CAPSL: variants seen among roughly 807,000 people sequenced by gnomAD.
The protein encoded by CAPSL is calcyphosine like.
CAPSL carries 17 observed loss-of-function variants against 21.3 expected under a neutral mutation model. That is an observed-to-expected ratio of 0.80 (90% confidence interval 0.55 to 1.20). The LOEUF (loss-of-function observed/expected upper bound fraction) is 1.20, where lower values mean the gene tolerates loss of function less well. Ranked by LOEUF, CAPSL falls within the 50% of genes most tolerant of loss-of-function variation. The pLI is 0.00. For synonymous variants in CAPSL, 102 were observed against 89.3 expected, an observed-to-expected ratio of 1.14 and a Z score of -0.80; for missense variants, 289 against 259.3, an observed-to-expected ratio of 1.11 and a Z score of -0.79.
chr5:35,921,236 C>T, intron 1 of CAPSL, 116 bp from the exon 2 acceptor site: 1 of 1,315,200 alleles, frequency 7.6e-7, no homozygotes. Flanking sequence ...GTCAGGAAAC[C>T]TCTCAGAATT....
chr5:35,911,545 G>A (rs1458011756), intron 2 of CAPSL, among the ~76,000 whole-genome samples: 1 of 152,098 alleles, frequency 6.6e-6, no homozygotes, highest in African/African-American at 2.4e-5. Flanking sequence ...CAAAAACCAG[G>A]AAAGTCTGAG....
intron 2 of CAPSL, among the ~76,000 whole-genome samples, chr5:35,915,318 C>A (rs1287321182): frequency 1.3e-5 from 2 of 152,156 alleles, no homozygotes; most frequent in Non-Finnish European, 2.9e-5. Flanking sequence ...TGAAACTATT[C>A]CAGTCAATAG....
In CAPSL at chr5:35,909,923, T is replaced by C. The variant is rs1738167511; in HGVS notation, c.468A>G (p.Glu156=). The change falls in exon 4 of 5, where the codon GAA becomes GAG. Residue 156 remains glutamate, a synonymous_variant. Transcript: ENST00000651391. The part of the protein sequence containing the change: ...PKYQNGEWSE[E]QVFRKFLDNF... ...TATCCAGAAATTTCCTAAATACTTG[T>C]TCCTCACTCCATTCCCCATTCTGGT... The C allele has an allele frequency of 6.2e-7, 1 of 1,613,900 alleles. No homozygotes were observed. Among genetic ancestry groups the C allele is most frequent in the African/African-American group, 1.3e-5 (1 of 75,062 alleles).
In CAPSL at chr5:35,904,693, C is replaced by T. The variant is rs771025493; in HGVS notation, c.526-47G>A. 3.1e-6 allele frequency: 5 copies of T among 1,608,896 alleles called. No individual in the cohort carries two copies. The African/African-American group carries it at 6.7e-5, about 22-fold the overall frequency. ...CAAAAACGAAACTTTGCTTCTCACTCTGTCAATGGGCGCCCACCTTGTGCA... is the reference window on the plus strand; with the variant it reads ...CAAAAACGAAACTTTGCTTCTCACTTTGTCAATGGGCGCCCACCTTGTGCA... On this transcript the variant is annotated intron_variant, in intron 4 of 4. Coordinates refer to ENST00000651391, the MANE Select transcript of CAPSL (RefSeq NM_001042625.2).
chr5:35,924,559 G>A (rs1738623617), intron 1 of CAPSL, among the ~76,000 whole-genome samples: 1 of 152,002 alleles, frequency 6.6e-6, no homozygotes, highest in Non-Finnish European at 1.5e-5. Flanking sequence ...TAAATTCAAG[G>A]GGAAAAAAGT....
Position 35,910,113 on chromosome 5 carries a change from A to C in CAPSL, c.316-38T>G, listed in dbSNP as rs1237947976. 4 of 1,515,822 alleles carry C rather than the reference A, an allele frequency of 2.6e-6. No homozygotes were observed. In the Admixed American group the frequency reaches 8.6e-5, roughly 33 times the overall value. The allele number at this position is 1,515,822 out of a possible 1,614,324, so 93.9% of individuals were successfully genotyped here. A position where few individuals can be genotyped will look rare whatever the true frequency, so the allele number is the denominator to read the frequency against. On this transcript the variant is annotated intron_variant, in intron 3 of 4. Coordinates refer to ENST00000651391, the MANE Select transcript of CAPSL (RefSeq NM_001042625.2). ...AAGAATACATACAGAGACATACATA[A>C]GCAAATGAGCTTTTTTGGTATCCTA...
intron 1 of CAPSL, among the ~76,000 whole-genome samples, chr5:35,927,375 T>C (rs1360161908): frequency 6.6e-6 from 1 of 152,330 alleles, no homozygotes. Context: ...TGCCATTACA[T>C]TAGCTATTTT....
intron 2 of CAPSL, among the ~76,000 whole-genome samples, chr5:35,915,279 G>T (rs971217598): frequency 6.6e-6 from 1 of 152,170 alleles, no homozygotes; most frequent in Non-Finnish European, 1.5e-5. Flanking sequence ...TCTACCAGAG[G>T]TACAAGGAGG....
chr5:35,911,781 A>C (rs1301149126), intron 2 of CAPSL, among the ~76,000 whole-genome samples: 2 of 152,210 alleles, frequency 1.3e-5, no homozygotes, highest in Non-Finnish European at 2.9e-5. Context: ...GCTCCAGTCT[A>C]CAGCTCCCAG....
Position 35,909,956 on chromosome 5 carries a change from G to A in CAPSL, c.435C>T (p.His145=), listed in dbSNP as rs752180946. 18 of 1,613,796 alleles carry A rather than the reference G, an allele frequency of 1.1e-5. No homozygotes were observed. The South Asian group carries it at 1.6e-4, about 15-fold the overall frequency. ...TCCATTCCCCATTCTGGTACTTTGGGTGGTGTTTTGCATTATATACTTCAC... is the reference window on the plus strand; with the variant it reads ...TCCATTCCCCATTCTGGTACTTTGGATGGTGTTTTGCATTATATACTTCAC... ...DLREVYNAKH[H]PKYQNGEWSE... is the part of the protein sequence containing the mutation. Residue 145 remains histidine, a synonymous_variant, in exon 4 of 5, where the codon CAC becomes CAT. Transcript: ENST00000651391.
chr5:35,914,715 T>C (rs987387146), intron 2 of CAPSL, among the ~76,000 whole-genome samples: 1 of 151,650 alleles, frequency 6.6e-6, no homozygotes, highest in African/African-American at 2.4e-5. Context: ...AAGCAGTGTG[T>C]AGAGGGAAAT....
chr5:35,924,109 C>T (rs1319010564), intron 1 of CAPSL, among the ~76,000 whole-genome samples: 1 of 152,156 alleles, frequency 6.6e-6, no homozygotes, highest in Non-Finnish European at 1.5e-5. Context: ...GAGCTAGTTA[C>T]TACTATTATT....
chr5:35,931,433 T>G (rs1430255338), intron 1 of CAPSL, among the ~76,000 whole-genome samples: 2 of 35,598 alleles, frequency 5.6e-5, no homozygotes, highest in Non-Finnish European at 1.4e-4. Context: ...TGACACAATG[T>G]GTTACAAAAA....
chr5:35,917,019 GA>G (rs1315254705), intron 2 of CAPSL, among the ~76,000 whole-genome samples: 2 of 151,952 alleles, frequency 1.3e-5, no homozygotes, highest in Non-Finnish European at 2.9e-5. Context: ...AAATTTACAA[GA>G]AAAAAACACA....
At position 35,931,109 on chromosome 5, in the gene CAPSL, G is replaced by A. The variant is rs76454406; in HGVS notation, c.-1+7432C>T. On this transcript the variant is annotated intron_variant, in intron 1 of 4. Transcript: ENST00000651391. ...GAAACATAATCTCTTTGTATTATCT[G>A]TTTAATCTGTTGTTGGTCAGGTCTT... is the stretch of plus-strand genomic sequence containing the variant. Among the ~76,000 whole-genome samples, 1,439 of 152,302 alleles carry A rather than the reference G, an allele frequency of 9.4e-3. 22 individuals are homozygous for A. The highest frequency in any genetic ancestry group is 0.033 in the African/African-American group (1,371 of 41,570).
At chr5:35,926,278 G>A (rs1262171735) in intron 1 of CAPSL, among the ~76,000 whole-genome samples, 1 of 152,132 alleles carries the variant, frequency 6.6e-6, no homozygotes, top group Non-Finnish European at 1.5e-5. Context: ...GGGCGGACTC[G>A]GGGCTGGCAT....
intron 1 of CAPSL, among the ~76,000 whole-genome samples, chr5:35,925,491 T>TGG (rs1738647314): frequency 6.6e-6 from 1 of 151,948 alleles, no homozygotes; most frequent in African/African-American, 2.4e-5. Flanking sequence ...AACAGAGGTA[T>TGG]GGGTGGCAGG....
At chr5:35,931,503 T>C (rs1385073157) in intron 1 of CAPSL, among the ~76,000 whole-genome samples, 4 of 152,036 alleles carry the variant, frequency 2.6e-5, no homozygotes, top group Admixed American at 2.0e-4. Context: ...CTTGTCATAA[T>C]AAGCATCCAC....
chr5:35,929,646 C>T (rs568478722), intron 1 of CAPSL, among the ~76,000 whole-genome samples: 11 of 152,166 alleles, frequency 7.2e-5, no homozygotes, highest in Non-Finnish European at 8.8e-5. Flanking sequence ...TGCTTAAAAC[C>T]GATAAATTGC....
Sources: gnomAD v4.1 joint callset for allele counts (sites outside exome capture counted in the v4.1 genomes callset) on GRCh38, gnomAD v4.1.1 for gene constraint, MANE v1.5 for transcripts, NCBI Gene and HGNC (gene_info 2026-07-23, HGNC 2026-07-21) for gene names.